The following KCNQ3 variants were observed in gnomAD, a reference collection of about 807,000 sequenced individuals.
KCNQ3 encodes the protein potassium voltage-gated channel subfamily Q member 3, also known as potassium voltage-gated channel subfamily KQT member 3.
In KCNQ3, 30 loss-of-function variants were observed where a neutral mutation model predicts 92.5. That is an observed-to-expected ratio of 0.32 (90% CI 0.24 to 0.44). KCNQ3 has a LOEUF of 0.44. Among genes scored for constraint, KCNQ3 ranks in the 20% least tolerant of loss-of-function variants. The pLI, the probability that KCNQ3 is intolerant of heterozygous loss-of-function variation, is 1.00. For synonymous variants in KCNQ3, 450 were observed against 468.8 expected (o/e 0.96, Z 0.52); for missense variants, 913 against 1,140.3 (o/e 0.80, Z 2.87).
At chr8:132,332,080 T>C (rs1818248150) in intron 1 of KCNQ3, among the ~76,000 whole-genome samples, 1 of 152,228 alleles carries the variant, frequency 6.6e-6, no homozygotes, top group East Asian at 1.9e-4. Context: ...ATGTCACTTC[T>C]GATTAGGATA....
chr8:132,134,432 T>C, intron 12 of KCNQ3, 44 bp from the exon 13 acceptor site: 2 of 1,349,028 alleles, frequency 1.5e-6, no homozygotes, highest in Non-Finnish European at 2.1e-6. Flanking sequence ...CACAGAGCTT[T>C]GTTTTGACAG....
intron 1 of KCNQ3, among the ~76,000 whole-genome samples, chr8:132,471,899 A>G (rs1233520570): frequency 6.6e-6 from 1 of 152,186 alleles, no homozygotes; most frequent in Non-Finnish European, 1.5e-5. Flanking sequence ...TAGAATATAC[A>G]AGAAACTCAG....
At chr8:132,206,228 G>C (rs1420533263) in intron 1 of KCNQ3, among the ~76,000 whole-genome samples, 1 of 152,136 alleles carries the variant, frequency 6.6e-6, no homozygotes, top group East Asian at 1.9e-4. Context: ...ATATCACCTG[G>C]GTTTCCACAG....
At chr8:132,273,233 T>G (rs946401494) in intron 1 of KCNQ3, among the ~76,000 whole-genome samples, 1 of 152,214 alleles carries the variant, frequency 6.6e-6, no homozygotes, top group Non-Finnish European at 1.5e-5. Flanking sequence ...TTTCCAAACA[T>G]CCTCTGAAAT....
Position 132,402,072 on chromosome 8 carries a change from A to G in KCNQ3, c.386+78075T>C, listed in dbSNP as rs139977692. Among the ~76,000 whole-genome samples the G allele has an allele frequency of 1.0e-3, 152 of 152,316 alleles. 2 individuals carry two copies. Among genetic ancestry groups the G allele is most frequent in the Middle Eastern group, 3.4e-3 (1 of 294 alleles). The stretch of plus-strand genomic sequence containing the variant: ...AGGGTGTGCATGTGCCTGTGGTGTC[A>G]TAATTAGTCTGGGGCCACAGGCTTT... On this transcript the variant is annotated intron_variant, in intron 1 of 14. Transcript: ENST00000388996.
chr8:132,179,318 C>T (rs1826673745), intron 4 of KCNQ3, among the ~76,000 whole-genome samples: 1 of 152,022 alleles, frequency 6.6e-6, no homozygotes, highest in Non-Finnish European at 1.5e-5. Flanking sequence ...TGAGTTCCAT[C>T]CCTCCTGGAT....
intron 4 of KCNQ3, 139 bp from the exon 5 acceptor site, chr8:132,175,747 C>A: frequency 1.3e-6 from 1 of 770,762 alleles, no homozygotes; most frequent in South Asian, 1.5e-5. Flanking sequence ...CTCTGATCTT[C>A]ATCTTCCATC....
intron 1 of KCNQ3, among the ~76,000 whole-genome samples, chr8:132,275,643 T>TA (rs1314801061): frequency 2.0e-5 from 3 of 151,840 alleles, no homozygotes; most frequent in Admixed American, 6.6e-5. Context: ...AGTGGTGTGA[T>TA]CTTGGCTCAC....
At chr8:132,381,694 C>T (rs558646881) in intron 1 of KCNQ3, among the ~76,000 whole-genome samples, 162 of 152,330 alleles carry the variant, frequency 1.1e-3, no homozygotes, top group African/African-American at 3.7e-3. Flanking sequence ...AAGTGTTGAC[C>T]TTGTGGTGCT....
At chr8:132,268,627 T>C (rs1488071280) in intron 1 of KCNQ3, among the ~76,000 whole-genome samples, 1 of 152,360 alleles carries the variant, frequency 6.6e-6, no homozygotes. Flanking sequence ...TATCCACTCA[T>C]CTACTGAAGA....
chr8:132,440,652 C>T (rs1462884505), intron 1 of KCNQ3, among the ~76,000 whole-genome samples: 1 of 152,158 alleles, frequency 6.6e-6, no homozygotes, highest in African/African-American at 2.4e-5. Flanking sequence ...GGAGAAAATA[C>T]ACTAACTTTG....
intron 1 of KCNQ3, among the ~76,000 whole-genome samples, chr8:132,314,188 C>A (rs987140111): frequency 6.6e-6 from 1 of 151,998 alleles, no homozygotes; most frequent in African/African-American, 2.4e-5. Context: ...ACTCCCAATG[C>A]AAAACATTTC....
intron 1 of KCNQ3, among the ~76,000 whole-genome samples, chr8:132,344,192 C>T (rs1246437106): frequency 6.6e-6 from 1 of 152,180 alleles, no homozygotes; most frequent in Non-Finnish European, 1.5e-5. Flanking sequence ...AGGAAATCTC[C>T]ACAACTTACA....
chr8:132,218,567 C>A (rs998555100), intron 1 of KCNQ3, among the ~76,000 whole-genome samples: 1 of 152,138 alleles, frequency 6.6e-6, no homozygotes, highest in Non-Finnish European at 1.5e-5. Flanking sequence ...TTAACCCTCA[C>A]AAATACCTGG....
rs1436392814 is a variant in KCNQ3 at position 132,303,589 on chromosome 8, G to GTA, written c.387-117410_387-117409dup. 1.3e-4 allele frequency among the ~76,000 whole-genome samples: 3 copies of GTA among 23,524 alleles called. 1 individual carries two copies. The highest frequency in any genetic ancestry group is 1.6e-4 in the African/African-American group (1 of 6,178). 15.4% of individuals were successfully genotyped at this position (23,524 alleles called of 152,430 possible). On this transcript the variant is annotated intron_variant, in intron 1 of 14. Transcript: ENST00000388996. The stretch of plus-strand genomic sequence containing the variant: ...TGATATATATATATATGGTGTGTGT[G>GTA]TATATATATATGGTGTGTATATATA...
intron 14 of KCNQ3, among the ~76,000 whole-genome samples, chr8:132,130,398 G>C (rs1305388383): frequency 6.6e-6 from 1 of 152,176 alleles, no homozygotes; most frequent in East Asian, 1.9e-4. Flanking sequence ...TTCTAATACT[G>C]TATTTACTTT....
intron 1 of KCNQ3, among the ~76,000 whole-genome samples, chr8:132,267,498 A>G (rs1347162238): frequency 6.6e-6 from 1 of 152,150 alleles, no homozygotes. Flanking sequence ...ACTTTGAACA[A>G]GTCACTCTCA....
At chr8:132,146,253 ATAAG>A (rs903842094) in intron 9 of KCNQ3, among the ~76,000 whole-genome samples, 4 of 152,266 alleles carry the variant, frequency 2.6e-5, no homozygotes, top group African/African-American at 9.6e-5. Context: ...CCATCAGTGG[ATAAG>A]TAGATTAAAA....
chr8:132,301,987 A>T (rs1817229921), intron 1 of KCNQ3, among the ~76,000 whole-genome samples: 1 of 152,206 alleles, frequency 6.6e-6, no homozygotes, highest in Non-Finnish European at 1.5e-5. Context: ...AAGGAAGGAC[A>T]AATGCCTGGG....
Sources: allele counts gnomAD v4.1 joint callset (sites outside exome capture counted in the v4.1 genomes callset), GRCh38; gene constraint gnomAD v4.1.1; transcripts MANE v1.5; gene names NCBI Gene and HGNC (gene_info 2026-07-23, HGNC 2026-07-21).